The following TMEM233 variants were observed in gnomAD, a reference collection of about 807,000 sequenced individuals.
TMEM233 encodes the protein dispanin subfamily B member 2.
TMEM233 carries 6 observed loss-of-function variants against 11.2 expected under a neutral mutation model. The ratio of observed to expected loss-of-function variants is 0.54; its 90% CI spans 0.29 to 1.06. The LOEUF (loss-of-function observed/expected upper bound fraction) is 1.06, where lower values mean the gene tolerates loss of function less well. TMEM233 is among the 50% of genes least tolerant of loss of function. The pLI is 0.08. For missense variants in TMEM233, 127 were observed against 144.7 expected (o/e 0.88, Z 0.63); for synonymous variants, 59 against 55.8 (o/e 1.06, Z -0.26).
chr12:119,598,367 T>A (rs1480696479), intron 1 of TMEM233, among the ~76,000 whole-genome samples: 1 of 152,230 alleles, frequency 6.6e-6, no homozygotes, highest in African/African-American at 2.4e-5. Flanking sequence ...CATGATGTAA[T>A]CATTTGCAAA....
At chr12:119,629,984 G>T (rs1003996440) in intron 2 of TMEM233, 112 bp downstream of exon 2, 3 of 1,178,720 alleles carry the variant, frequency 2.5e-6, no homozygotes, top group Non-Finnish European at 2.3e-6. Flanking sequence ...AAGCCAAAGG[G>T]TTTTCATGTT....
intron 1 of TMEM233, among the ~76,000 whole-genome samples, chr12:119,600,840 T>C (rs1954148711): frequency 6.6e-6 from 1 of 152,156 alleles, no homozygotes; most frequent in South Asian, 2.1e-4. Flanking sequence ...ATTCTGAAGA[T>C]AGAAAAGTTC....
At chr12:119,627,639 T>C (rs1472207742) in intron 1 of TMEM233, among the ~76,000 whole-genome samples, 2 of 152,204 alleles carry the variant, frequency 1.3e-5, no homozygotes, top group African/African-American at 4.8e-5. Flanking sequence ...AAGCCATTAA[T>C]GAGGGTCTGC....
chr12:119,609,200 C>T (rs969525821), intron 1 of TMEM233, among the ~76,000 whole-genome samples: 17 of 152,134 alleles, frequency 1.1e-4, no homozygotes, highest in Non-Finnish European at 2.4e-4. Flanking sequence ...AAAGGTCACT[C>T]TTGCTATGCA....
Position 119,642,754 on chromosome 12 carries a change from A to G in TMEM233, c.*2049A>G, listed in dbSNP as rs1187604517. On this transcript the variant is annotated 3_prime_UTR_variant, in exon 3 of 3. Transcript: ENST00000426426. The stretch of plus-strand genomic sequence containing the variant: ...ATTGGCGGGGAGAATTCTAAGTACT[A>G]TACCAATACAAATTTCAGCATTTTT... 6.6e-6 allele frequency: 1 copy of G among 151,868 alleles called. No individual in the cohort carries two copies. The highest frequency in any genetic ancestry group is 2.4e-5 in the African/African-American group (1 of 41,296). The allele number at this position is 151,868 out of a possible 1,614,324, so 9.4% of individuals were successfully genotyped here.
chr12:119,647,009 G>T (rs1476829136), downstream of TMEM233, among the ~76,000 whole-genome samples: 1 of 152,142 alleles, frequency 6.6e-6, no homozygotes, highest in African/African-American at 2.4e-5. Flanking sequence ...TCATTCCTCT[G>T]CTGAAACCCA....
downstream of TMEM233, among the ~76,000 whole-genome samples, chr12:119,643,507 G>T (rs1323862393): frequency 6.6e-6 from 1 of 152,204 alleles, no homozygotes; most frequent in Non-Finnish European, 1.5e-5. Context: ...GGTGGCTCAC[G>T]CCTGTAATCC....
chr12:119,609,026 G>A (rs2136699021), intron 1 of TMEM233, among the ~76,000 whole-genome samples: 1 of 152,312 alleles, frequency 6.6e-6, no homozygotes, highest in South Asian at 2.1e-4. Context: ...ACAGGCAGAG[G>A]TTGGAACAGT....
At chr12:119,622,728 T>C (rs1023309134) in intron 1 of TMEM233, among the ~76,000 whole-genome samples, 1 of 152,178 alleles carries the variant, frequency 6.6e-6, no homozygotes, top group Non-Finnish European at 1.5e-5. Flanking sequence ...TCTCTCACTC[T>C]CGTCCCTCCC....
At chr12:119,622,875 T>C (rs910143647) in intron 1 of TMEM233, among the ~76,000 whole-genome samples, 2 of 152,198 alleles carry the variant, frequency 1.3e-5, no homozygotes, top group African/African-American at 4.8e-5. Context: ...GCTTTTCATC[T>C]GTTTTTCAAG....
At chr12:119,646,391 A>G (rs767575336), downstream of TMEM233, among the ~76,000 whole-genome samples, 29 of 152,318 alleles carry the variant, frequency 1.9e-4, no homozygotes, top group Non-Finnish European at 3.4e-4. Context: ...TCTCTGGTAT[A>G]ACAACCATTA....
At chr12:119,648,697 G>T in the TMEM233 span, among the ~76,000 whole-genome samples, 1 of 152,118 alleles carries the variant, frequency 6.6e-6, no homozygotes, top group African/African-American at 2.4e-5. Context: ...TGTCTTCCTG[G>T]TCCCTAGCTT....
chr12:119,652,386 A>C, the TMEM233 span, among the ~76,000 whole-genome samples: 12 of 152,362 alleles, frequency 7.9e-5, no homozygotes, highest in African/African-American at 2.9e-4. Context: ...TGCCTAGTAC[A>C]GCTACAAACT....
At chr12:119,620,754 G>C (rs142130567) in intron 1 of TMEM233, among the ~76,000 whole-genome samples, 1 of 152,176 alleles carries the variant, frequency 6.6e-6, no homozygotes, top group Admixed American at 6.5e-5. Flanking sequence ...TTTTAATCAC[G>C]AAGGGGGAAA....
At chr12:119,647,397 C>T (rs1341736108), downstream of TMEM233, among the ~76,000 whole-genome samples, 5 of 152,168 alleles carry the variant, frequency 3.3e-5, no homozygotes, top group Non-Finnish European at 7.3e-5. Context: ...TGTAATTTTG[C>T]CCTTTCATCC....
intron 1 of TMEM233, among the ~76,000 whole-genome samples, chr12:119,619,938 C>T (rs1954609105): frequency 6.6e-6 from 1 of 152,166 alleles, no homozygotes; most frequent in South Asian, 2.1e-4. Context: ...TAAGAAAACA[C>T]AAACCGACAG....
chr12:119,621,535 T>C (rs1214182692), intron 1 of TMEM233, among the ~76,000 whole-genome samples: 1 of 152,184 alleles, frequency 6.6e-6, no homozygotes, highest in African/African-American at 2.4e-5. Flanking sequence ...CTTCTGTGTG[T>C]CTGTGCCTGT....
At chr12:119,610,031 G>A (rs1260419079) in intron 1 of TMEM233, among the ~76,000 whole-genome samples, 1 of 152,228 alleles carries the variant, frequency 6.6e-6, no homozygotes, top group Non-Finnish European at 1.5e-5. Context: ...GAAGCAACCA[G>A]GGTGGGGACT....
chr12:119,646,255 T>C (rs1970986), downstream of TMEM233, among the ~76,000 whole-genome samples: 125,946 of 151,950 alleles, frequency 0.83, 52,359 homozygotes, highest in Middle Eastern at 0.88. Context: ...GACGGAGTTT[T>C]GCCATGTTGG....
Sources: gnomAD v4.1 joint callset for allele counts (sites outside exome capture counted in the v4.1 genomes callset) on GRCh38, gnomAD v4.1.1 for gene constraint, MANE v1.5 for transcripts, NCBI Gene and HGNC (gene_info 2026-07-23, HGNC 2026-07-21) for gene names.